AP3B1: variants seen among roughly 807,000 people sequenced by gnomAD.
AP3B1 encodes the protein adaptor related protein complex 3 subunit beta 1, also known as AP-3 complex subunit beta-1.
In AP3B1, 61 loss-of-function variants were observed where a neutral mutation model predicts 132.5. The ratio of observed to expected loss-of-function variants is 0.46; its 90% CI spans 0.37 to 0.57. The LOEUF is 0.57. AP3B1 is among the 20% of genes least tolerant of loss of function. The pLI is 0.00. For missense variants in AP3B1, 1,120 were observed against 1,289.4 expected (o/e 0.87, Z 2.01); for synonymous variants, 388 against 438.3 (o/e 0.89, Z 1.43).
chr5:78,171,201 T>C (rs1743899297), intron 11 of AP3B1, among the ~76,000 whole-genome samples: 1 of 152,192 alleles, frequency 6.6e-6, no homozygotes, highest in African/African-American at 2.4e-5. Flanking sequence ...TGCTTAGGAT[T>C]GTCTTGGCAA....
chr5:78,183,658 T>TC (rs1744466869), intron 7 of AP3B1, among the ~76,000 whole-genome samples: 2 of 150,826 alleles, frequency 1.3e-5, no homozygotes, highest in African/African-American at 4.9e-5. Flanking sequence ...TCACCTGAGG[T>TC]CAGGAGTTCA....
rs187339538 is a variant in AP3B1, at chr5:78,016,291, T to A, written c.2993-743A>T. ...TTAAGCAAAAGCATGAAAAAAACCA[T>A]ACAGAGTTAATGCAAGACATGCCAT... is the stretch of plus-strand genomic sequence containing the variant. On this transcript the variant is annotated intron_variant, in intron 25 of 26. Transcript: ENST00000255194. Among the ~76,000 whole-genome samples, 85 of 152,152 alleles carry A rather than the reference T, an allele frequency of 5.6e-4. 3 individuals carry two copies. The South Asian group carries it at 0.011, about 19-fold the overall frequency.
intron 22 of AP3B1, among the ~76,000 whole-genome samples, chr5:78,060,734 T>A (rs928449021): frequency 6.6e-6 from 1 of 152,122 alleles, no homozygotes; most frequent in African/African-American, 2.4e-5. Context: ...GTAGTAGACA[T>A]TCCATCCATG....
chr5:78,274,914 CT>C (rs57570732), intron 1 of AP3B1, among the ~76,000 whole-genome samples: 34,137 of 149,486 alleles, frequency 0.23, 4,510 homozygotes, highest in Middle Eastern at 0.31. Context: ...GAGACCCTAT[CT>C]TTTTTTTAAA....
At chr5:78,067,062 C>T (rs540046151) in intron 22 of AP3B1, among the ~76,000 whole-genome samples, 9 of 152,126 alleles carry the variant, frequency 5.9e-5, no homozygotes, top group South Asian at 2.1e-4. Flanking sequence ...TCTGGCCAAA[C>T]TAAGCTTCAA....
At chr5:78,175,334 C>T (rs1290809035) in intron 11 of AP3B1, among the ~76,000 whole-genome samples, 2 of 152,190 alleles carry the variant, frequency 1.3e-5, no homozygotes, top group Non-Finnish European at 2.9e-5. Context: ...TGGAGCTGTT[C>T]CTATTTGGCC....
intron 22 of AP3B1, among the ~76,000 whole-genome samples, chr5:78,080,453 C>CTTTTTTTTTTTTTTTTT (rs536764034): frequency 7.2e-6 from 1 of 138,194 alleles, no homozygotes; most frequent in African/African-American, 2.6e-5. Flanking sequence ...TTCCAATTTT[C>CTTTTTTTTTTTTTTTTT]TTTTTTTTTT....
intron 11 of AP3B1, among the ~76,000 whole-genome samples, chr5:78,175,010 C>T (rs1164030421): frequency 6.6e-6 from 1 of 152,260 alleles, no homozygotes; most frequent in Admixed American, 6.5e-5. Context: ...GCTCTGTGGG[C>T]GTTGGACCTG....
chr5:78,081,371 G>A (rs1294084282), intron 22 of AP3B1, among the ~76,000 whole-genome samples: 1 of 145,270 alleles, frequency 6.9e-6, no homozygotes, highest in Admixed American at 7.2e-5. Flanking sequence ...GCAGTGGCGC[G>A]ATCTCGGCTC....
At chr5:78,039,384 T>C (rs1747954973) in intron 22 of AP3B1, 110 bp from the exon 23 acceptor site, 1 of 832,786 alleles carries the variant, frequency 1.2e-6, no homozygotes, top group African/African-American at 1.7e-5. Context: ...TACAGTATTA[T>C]ATGAACTACA....
rs79559727 is a variant in AP3B1 at position 78,062,637 on chromosome 5, C to T, written c.2578-23363G>A. ...TAGAAATAAAAATTTCACTAGGCAACAGGGACACACTTGAGAGCCAGCAAA... is the reference window on the plus strand; with the variant it reads ...TAGAAATAAAAATTTCACTAGGCAATAGGGACACACTTGAGAGCCAGCAAA... On this transcript the variant is annotated intron_variant, in intron 22 of 26. Coordinates refer to ENST00000255194, the MANE Select transcript of AP3B1 (RefSeq NM_003664.5). Among the ~76,000 whole-genome samples the T allele has an allele frequency of 5.9e-5, 9 of 152,286 alleles. No individual in the cohort carries two copies. The East Asian group carries it at 1.7e-3, about 29-fold the overall frequency.
intron 24 of AP3B1, among the ~76,000 whole-genome samples, chr5:78,021,600 C>T (rs1747103290): frequency 2.0e-5 from 3 of 151,948 alleles, no homozygotes; most frequent in African/African-American, 2.4e-5. Flanking sequence ...GCAGAAAATC[C>T]GACTAACAGT....
chr5:78,176,632 A>C (rs943261482), intron 9 of AP3B1, among the ~76,000 whole-genome samples: 1 of 152,244 alleles, frequency 6.6e-6, no homozygotes, highest in Admixed American at 6.5e-5. Context: ...GGTATTCTTA[A>C]ACACAGAAAC....
At chr5:78,257,907 G>A (rs1167502762) in intron 2 of AP3B1, among the ~76,000 whole-genome samples, 2 of 152,068 alleles carry the variant, frequency 1.3e-5, no homozygotes, top group African/African-American at 4.8e-5. Flanking sequence ...AGCATACACT[G>A]AGGAAAAGAC....
chr5:78,073,570 G>T (rs1341826788), intron 22 of AP3B1, among the ~76,000 whole-genome samples: 1 of 151,964 alleles, frequency 6.6e-6, no homozygotes, highest in East Asian at 1.9e-4. Context: ...TTCAGACTAT[G>T]AACTGTTTTT....
chr5:78,159,794 C>T (rs1473694802), intron 13 of AP3B1, among the ~76,000 whole-genome samples: 1 of 152,208 alleles, frequency 6.6e-6, no homozygotes, highest in Non-Finnish European at 1.5e-5. Context: ...GGTAATTCCA[C>T]TCTACTTCTC....
At chr5:78,182,079 T>C (rs1453479960) in intron 7 of AP3B1, among the ~76,000 whole-genome samples, 2 of 152,170 alleles carry the variant, frequency 1.3e-5, no homozygotes, top group Non-Finnish European at 2.9e-5. Context: ...GTTTGAATAG[T>C]AACATAAAAG....
At chr5:78,090,678 A>T (rs1241835447) in intron 21 of AP3B1, among the ~76,000 whole-genome samples, 1 of 152,270 alleles carries the variant, frequency 6.6e-6, no homozygotes, top group Non-Finnish European at 1.5e-5. Flanking sequence ...AACAGACAAT[A>T]ACATTAATTT....
chr5:78,117,033 C>A (rs1751871226), intron 17 of AP3B1, among the ~76,000 whole-genome samples: 1 of 152,040 alleles, frequency 6.6e-6, no homozygotes, highest in Non-Finnish European at 1.5e-5. Context: ...CGTCGCCTGC[C>A]TCTCTCACCT....
Sources: gnomAD v4.1 joint callset for allele counts (sites outside exome capture counted in the v4.1 genomes callset) on GRCh38, gnomAD v4.1.1 for gene constraint, MANE v1.5 for transcripts, NCBI Gene and HGNC (gene_info 2026-07-23, HGNC 2026-07-21) for gene names.